Variants in PRUNE2 observed in about 807,000 individuals in gnomAD.
PRUNE2 encodes the protein prune homolog 2 with BCH domain.
In PRUNE2, 164 loss-of-function variants were observed where a neutral mutation model predicts 252.0. The observed-to-expected ratio is 0.65, with a 90% confidence interval of 0.57 to 0.74. PRUNE2 has a LOEUF of 0.74. PRUNE2 is among the 30% of genes least tolerant of loss of function. The pLI, the probability that PRUNE2 is intolerant of heterozygous loss-of-function variation, is 0.00. For synonymous variants in PRUNE2, 1,292 were observed against 1,350.2 expected, an observed-to-expected ratio of 0.96 and a Z score of 0.94; for missense variants, 3,495 against 3,711.0, an observed-to-expected ratio of 0.94 and a Z score of 1.51.
chr9:76,753,469 G>T (rs956637564), intron 6 of PRUNE2, among the ~76,000 whole-genome samples: 1 of 152,144 alleles, frequency 6.6e-6, no homozygotes, highest in Non-Finnish European at 1.5e-5. Flanking sequence ...CTTGTTCTCT[G>T]TCAGGAGTAA....
intron 6 of PRUNE2, among the ~76,000 whole-genome samples, chr9:76,803,289 C>T (rs1330115198): frequency 1.3e-5 from 2 of 152,166 alleles, no homozygotes; most frequent in Non-Finnish European, 2.9e-5. Flanking sequence ...ACGCAAATAC[C>T]TAGCATGGAA....
chr9:76,689,921 A>G (rs2044530118), intron 9 of PRUNE2, among the ~76,000 whole-genome samples: 1 of 152,242 alleles, frequency 6.6e-6, no homozygotes, highest in South Asian at 2.1e-4. Flanking sequence ...ATAGCAGGCA[A>G]ATAGGCAGCT....
At chr9:76,619,177 G>T (rs151022514) in intron 18 of PRUNE2, among the ~76,000 whole-genome samples, 163 bp downstream of exon 18, 40 of 152,320 alleles carry the variant, frequency 2.6e-4, no homozygotes, top group Middle Eastern at 3.4e-3. Flanking sequence ...GAAATGGTGT[G>T]AAGCTGGCAA....
intron 9 of PRUNE2, among the ~76,000 whole-genome samples, chr9:76,678,879 C>G (rs1181398462): frequency 6.6e-6 from 1 of 152,184 alleles, no homozygotes; most frequent in Non-Finnish European, 1.5e-5. Context: ...TCCTCCCTTC[C>G]TTCGAGAAGC....
chr9:76,795,642 C>T (rs150614470), intron 6 of PRUNE2, among the ~76,000 whole-genome samples: 27 of 152,132 alleles, frequency 1.8e-4, no homozygotes, highest in African/African-American at 6.3e-4. Context: ...AGAGGGGGCA[C>T]AGAAAGGGGC....
At chr9:76,827,451 G>A (rs553252913) in intron 4 of PRUNE2, among the ~76,000 whole-genome samples, 2 of 152,236 alleles carry the variant, frequency 1.3e-5, no homozygotes, top group South Asian at 2.1e-4. Flanking sequence ...CACCCCATAC[G>A]TACTCTTACT....
chr9:76,669,483 C>A (rs1326010433), intron 9 of PRUNE2, among the ~76,000 whole-genome samples: 1 of 152,232 alleles, frequency 6.6e-6, no homozygotes, highest in East Asian at 1.9e-4. Flanking sequence ...CCACACCCAG[C>A]TAATTTTTGT....
intron 1 of PRUNE2, among the ~76,000 whole-genome samples, chr9:76,902,303 C>T (rs961922795): frequency 6.6e-6 from 1 of 152,218 alleles, no homozygotes; most frequent in Admixed American, 6.5e-5. Flanking sequence ...TCATTCCCTA[C>T]ACTCCTTCAA....
intron 1 of PRUNE2, among the ~76,000 whole-genome samples, chr9:76,881,749 G>A (rs1343365873): frequency 6.6e-6 from 1 of 151,954 alleles, no homozygotes; most frequent in Non-Finnish European, 1.5e-5. Flanking sequence ...AGCCTCCCGA[G>A]TAGCTGGGAC....
chr9:76,649,195 T>C (rs1324023219), intron 11 of PRUNE2, among the ~76,000 whole-genome samples: 2 of 152,212 alleles, frequency 1.3e-5, no homozygotes, highest in Non-Finnish European at 2.9e-5. Flanking sequence ...AATACAGACA[T>C]GCTTCATGAA....
intron 6 of PRUNE2, among the ~76,000 whole-genome samples, chr9:76,735,558 G>C (rs2049004336): frequency 6.6e-6 from 1 of 151,778 alleles, no homozygotes; most frequent in Non-Finnish European, 1.5e-5. Context: ...GGAATAGCAG[G>C]AGTAACTGGA....
rs772998300 is a variant in PRUNE2, at chr9:76,768,057, G to C, written c.757-54336C>G. 1.9e-3 allele frequency among the ~76,000 whole-genome samples: 289 copies of C among 152,258 alleles called. 1 individual carries two copies. The highest frequency in any genetic ancestry group is 3.1e-3 in the Non-Finnish European group (208 of 68,016). The stretch of plus-strand genomic sequence containing the variant: ...ACAGCGGCAGGTCAGAGGGAGTCCT[G>C]TCACCTCCCAGCCCCACCAATCCCT... On this transcript the variant is annotated intron_variant, in intron 6 of 18. Coordinates refer to ENST00000376718, the MANE Select transcript of PRUNE2 (RefSeq NM_015225.3).
intron 9 of PRUNE2, among the ~76,000 whole-genome samples, chr9:76,679,439 C>A (rs1370250642): frequency 6.6e-6 from 1 of 152,124 alleles, no homozygotes; most frequent in Non-Finnish European, 1.5e-5. Flanking sequence ...CTTACACCTC[C>A]TAATTTTAAA....
chr9:76,703,534 A>G lies in PRUNE2; in HGVS notation c.8079T>C (p.Gly2693=), dbSNP rs1459361603. The part of the protein sequence containing the change: ...LESLALEEAS[G]PVSQSQKSKS... Reference sequence around the variant, plus strand: ...TACTCTTCTGTGATTGGCTGACTGGACCAGAGGCTTCCTCTAGTGCCAAAG... The same window carrying G: ...TACTCTTCTGTGATTGGCTGACTGGGCCAGAGGCTTCCTCTAGTGCCAAAG... Residue 2693 remains glycine (G), a synonymous_variant, in exon 9 of 19, where the codon GGT becomes GGC. Transcript: ENST00000376718. 9 of 1,613,780 alleles carry G rather than the reference A, an allele frequency of 5.6e-6. No homozygotes were observed. The highest frequency in any genetic ancestry group is 7.6e-6 in the Non-Finnish European group (9 of 1,179,858).
At position 76,860,145 on chromosome 9, in the gene PRUNE2, G is replaced by A. The variant is rs957573741; in HGVS notation, c.37-5937C>T. On this transcript the variant is annotated intron_variant, in intron 1 of 18. Transcript: ENST00000376718. The stretch of plus-strand genomic sequence containing the variant: ...CCGGGAGGGAGTCTCAGGACCAGGG[G>A]GTGTTTCTCAGCCTGCCAAAATGCC... Among the ~76,000 whole-genome samples, 7 of 152,124 alleles carry A rather than the reference G, an allele frequency of 4.6e-5. No individual in the cohort carries two copies. The South Asian group carries it at 8.3e-4, about 18-fold the overall frequency.
In PRUNE2 at chr9:76,839,992, G is replaced by A. The variant is rs146660238; in HGVS notation, c.508+6523C>T. Among the ~76,000 whole-genome samples, 180 of 152,340 alleles carry A rather than the reference G, an allele frequency of 1.2e-3. 1 individual carries two copies. The highest frequency in any genetic ancestry group is 4.0e-3 in the African/African-American group (166 of 41,586). On this transcript the variant is annotated intron_variant, in intron 4 of 18. Transcript: ENST00000376718. Reference sequence around the variant, plus strand: ...GAAACTAAAAGGTTCTACTGCAGCCGTGTTAAGGATGTGGTACTAATTAGA... The same window carrying A: ...GAAACTAAAAGGTTCTACTGCAGCCATGTTAAGGATGTGGTACTAATTAGA...
At chr9:76,768,202 T>C (rs2052638574) in intron 6 of PRUNE2, among the ~76,000 whole-genome samples, 1 of 150,980 alleles carries the variant, frequency 6.6e-6, no homozygotes, top group South Asian at 2.1e-4. Context: ...TGATTTTCCT[T>C]TTTTTTTTGA....
At chr9:76,659,000 C>T (rs566304817) in intron 9 of PRUNE2, among the ~76,000 whole-genome samples, 1 of 152,296 alleles carries the variant, frequency 6.6e-6, no homozygotes, top group East Asian at 1.9e-4. Flanking sequence ...GGAGAGATGT[C>T]GCTTCTGAGC....
chr9:76,616,128 T>A (rs1829545729), intron 18 of PRUNE2, among the ~76,000 whole-genome samples: 1 of 152,156 alleles, frequency 6.6e-6, no homozygotes, highest in Non-Finnish European at 1.5e-5. Context: ...CTTGCAACAA[T>A]CTTGTCTCCT....
Sources: allele counts gnomAD v4.1 joint callset (sites outside exome capture counted in the v4.1 genomes callset), GRCh38; gene constraint gnomAD v4.1.1; transcripts MANE v1.5; gene names NCBI Gene and HGNC (gene_info 2026-07-23, HGNC 2026-07-21).